FOCAD: variants seen among roughly 807,000 people sequenced by gnomAD.
FOCAD encodes KIAA1797.
A neutral mutation model predicts 225.6 loss-of-function variants in FOCAD; 198 were observed. That is an observed-to-expected ratio of 0.88 (90% CI 0.78 to 0.99). FOCAD has a LOEUF of 0.99. FOCAD is among the 50% of genes least tolerant of loss of function. The probability of loss-of-function intolerance (pLI) is 0.00; values close to 1 mark genes in which losing one functional copy is unlikely to be tolerated. For synonymous variants in FOCAD, 897 were observed against 755.0 expected (o/e 1.19, Z -3.08); for missense variants, 2,713 against 2,123.6 (o/e 1.28, Z -5.46).
intron 21 of FOCAD, among the ~76,000 whole-genome samples, chr9:20,897,256 C>T (rs913710969): frequency 1.3e-5 from 2 of 151,648 alleles, no homozygotes; most frequent in Admixed American, 6.6e-5. Flanking sequence ...TTTCTCTATC[C>T]ATTTACGTTT....
At position 20,703,418 on chromosome 9, in the gene FOCAD, G is replaced by A. The variant is rs180929648; in HGVS notation, c.-32-11904G>A. Among the ~76,000 whole-genome samples, 75 of 152,144 alleles carry A rather than the reference G, an allele frequency of 4.9e-4. No homozygotes were observed. In the East Asian group the frequency reaches 9.8e-3, roughly 20 times the overall value. Reference sequence around the variant, plus strand: ...AGAGTTGCAAGACCAGAACCTTTTGGCCTTCCTATAGAGTTGCAGTGGGGA... The same window carrying A: ...AGAGTTGCAAGACCAGAACCTTTTGACCTTCCTATAGAGTTGCAGTGGGGA... On this transcript the variant is annotated intron_variant, in intron 1 of 43. Transcript: ENST00000338382.
At chr9:20,794,997 A>G (rs1820903803) in intron 11 of FOCAD, among the ~76,000 whole-genome samples, 1 of 152,352 alleles carries the variant, frequency 6.6e-6, no homozygotes, top group South Asian at 2.1e-4. Flanking sequence ...AATGATATCA[A>G]AATATCCAGA....
intron 35 of FOCAD, among the ~76,000 whole-genome samples, chr9:20,956,084 T>C (rs1402900186): frequency 6.6e-6 from 1 of 152,224 alleles, no homozygotes; most frequent in Non-Finnish European, 1.5e-5. Context: ...TTTCTTGATA[T>C]GGGCTAATTG....
At chr9:20,908,027 C>G (rs936640851) in intron 22 of FOCAD, among the ~76,000 whole-genome samples, 2 of 152,000 alleles carry the variant, frequency 1.3e-5, no homozygotes, top group Non-Finnish European at 2.9e-5. Flanking sequence ...ATGAGATATA[C>G]TCAATTTGAG....
At chr9:20,780,505 A>G (rs1819261408) in intron 9 of FOCAD, among the ~76,000 whole-genome samples, 1 of 152,230 alleles carries the variant, frequency 6.6e-6, no homozygotes, top group South Asian at 2.1e-4. Context: ...AATAAACTGT[A>G]CTGAACACTG....
chr9:20,801,428 T>A (rs1278142413), intron 11 of FOCAD, among the ~76,000 whole-genome samples: 3 of 152,128 alleles, frequency 2.0e-5, no homozygotes, highest in Non-Finnish European at 2.9e-5. Context: ...GTGATCCACC[T>A]GCCTTGGCCT....
At chr9:20,860,242 G>A (rs1828640094) in intron 15 of FOCAD, among the ~76,000 whole-genome samples, 2 of 152,074 alleles carry the variant, frequency 1.3e-5, no homozygotes, top group Non-Finnish European at 2.9e-5. Context: ...GTTTAAAAAT[G>A]TCCTTTTTCT....
chr9:20,810,200 T>C (rs965401351), intron 11 of FOCAD, among the ~76,000 whole-genome samples: 5 of 152,152 alleles, frequency 3.3e-5, no homozygotes, highest in South Asian at 4.1e-4. Context: ...TCCTTCAGCA[T>C]TGAATGATGG....
At chr9:20,982,109 T>C (rs1269061629) in intron 38 of FOCAD, among the ~76,000 whole-genome samples, 1 of 152,094 alleles carries the variant, frequency 6.6e-6, no homozygotes, top group Non-Finnish European at 1.5e-5. Context: ...GTTAGAAATT[T>C]ATTTGGGATG....
At chr9:20,902,887 T>C (rs1832672623) in intron 21 of FOCAD, among the ~76,000 whole-genome samples, 1 of 151,842 alleles carries the variant, frequency 6.6e-6, no homozygotes, top group Non-Finnish European at 1.5e-5. Flanking sequence ...GACAAAGAAG[T>C]GTGCAAAGTC....
chr9:20,789,194 C>G, intron 10 of FOCAD, 157 bp from the exon 11 acceptor site: 1 of 771,730 alleles, frequency 1.3e-6, no homozygotes, highest in Non-Finnish European at 2.0e-6. Flanking sequence ...CCTATTACCT[C>G]AAATATGTGC....
At chr9:20,876,497 T>C (rs1449605608) in intron 19 of FOCAD, among the ~76,000 whole-genome samples, 1 of 152,196 alleles carries the variant, frequency 6.6e-6, no homozygotes, top group Non-Finnish European at 1.5e-5. Flanking sequence ...TGCAGTGCTA[T>C]GATGGCTATT....
At chr9:20,921,543 G>A (rs1834434805) in intron 24 of FOCAD, among the ~76,000 whole-genome samples, 1 of 152,150 alleles carries the variant, frequency 6.6e-6, no homozygotes, top group African/African-American at 2.4e-5. Flanking sequence ...ATAAGTCATT[G>A]TGGCAGGCAT....
intron 18 of FOCAD, among the ~76,000 whole-genome samples, chr9:20,870,653 T>G (rs1449620704): frequency 6.6e-6 from 1 of 152,212 alleles, no homozygotes; most frequent in African/African-American, 2.4e-5. Context: ...CAGCTCCCAA[T>G]CACACTGAAT....
At chr9:20,729,353 C>A (rs1464807562) in intron 4 of FOCAD, among the ~76,000 whole-genome samples, 2 of 152,148 alleles carry the variant, frequency 1.3e-5, no homozygotes, top group African/African-American at 4.8e-5. Flanking sequence ...ATGCTCATGG[C>A]TGACTTACCT....
At chr9:20,791,513 T>G (rs556546669) in intron 11 of FOCAD, among the ~76,000 whole-genome samples, 60 of 152,178 alleles carry the variant, frequency 3.9e-4, no homozygotes, top group Non-Finnish European at 8.2e-4. Flanking sequence ...AATCCTTTCT[T>G]CTAGTTTTTA....
At chr9:20,735,107 TA>T (rs1045123057) in intron 4 of FOCAD, among the ~76,000 whole-genome samples, 4 of 152,186 alleles carry the variant, frequency 2.6e-5, no homozygotes, top group Non-Finnish European at 4.4e-5. Flanking sequence ...TTATGAATCT[TA>T]TTCTTCTGTG....
intron 4 of FOCAD, among the ~76,000 whole-genome samples, chr9:20,723,786 G>C (rs1354785223): frequency 6.6e-6 from 1 of 152,138 alleles, no homozygotes; most frequent in Non-Finnish European, 1.5e-5. Flanking sequence ...GGCTGTTCTT[G>C]CATTGCTATA....
chr9:20,678,986 T>C (rs1177537713), intron 2 of FOCAD, among the ~76,000 whole-genome samples: 1 of 152,162 alleles, frequency 6.6e-6, no homozygotes, highest in East Asian at 1.9e-4. Flanking sequence ...AGCAAAGACT[T>C]GAATGATCTG....
Sources: allele counts gnomAD v4.1 joint callset (sites outside exome capture counted in the v4.1 genomes callset), GRCh38; gene constraint gnomAD v4.1.1; transcripts MANE v1.5; gene names NCBI Gene and HGNC (gene_info 2026-07-23, HGNC 2026-07-21).